The following MYO7A variants were observed in gnomAD, a reference collection of about 807,000 sequenced individuals.
The protein encoded by MYO7A is myosin VIIA, also known as unconventional myosin-VIIa.
Under a neutral mutation model 263.8 loss-of-function variants are expected in MYO7A, and 210 were observed. That is an observed-to-expected ratio of 0.80 (90% CI 0.71 to 0.89). The LOEUF (loss-of-function observed/expected upper bound fraction) is 0.89. Among genes scored for constraint, MYO7A ranks in the 40% least tolerant of loss-of-function variants. MYO7A has a pLI of 0.00. For synonymous variants in MYO7A, 1,239 were observed against 1,197.3 expected (o/e 1.03, Z -0.72); for missense variants, 2,820 against 2,968.3 (o/e 0.95, Z 1.16).
At chr11:77,164,375 T>C (rs1555071189) in intron 14 of MYO7A, among the ~76,000 whole-genome samples, 1 of 151,732 alleles carries the variant, frequency 6.6e-6, no homozygotes, top group African/African-American at 2.4e-5. Context: ...AACCCATAAA[T>C]ATCTATACCT....
chr11:77,158,158 G>T, intron 8 of MYO7A, 119 bp from the exon 9 acceptor site: 2 of 1,203,956 alleles, frequency 1.7e-6, no homozygotes, highest in South Asian at 3.8e-5. Context: ...AGCGCCTGGG[G>T]CCCCGGGCTG....
Position 77,205,508 on chromosome 11 carries a change from C to T in MYO7A, c.5527C>T (p.Leu1843Phe). 1.3e-6 allele frequency: 2 copies of T among 1,599,676 alleles called. No individual in the cohort carries two copies. The highest frequency in any genetic ancestry group is 1.7e-5 in the Admixed American group (1 of 58,172). The stretch of plus-strand genomic sequence containing the variant: ...GGAGCTGCTCTGGCTGTGCACGGGC[C>T]TTTTCCCACCCAGCAACATCCTCCT... ...GWELLWLCTGLFPPSNILLPH... is the reference protein window; with the variant it reads ...GWELLWLCTGFFPPSNILLPH... The change falls in exon 40 of 49, where the codon CTT becomes TTT. Residue 1843 changes from leucine to phenylalanine, a missense_variant. Transcript: ENST00000409709.
intron 25 of MYO7A, 152 bp from the exon 26 acceptor site, chr11:77,182,916 G>T: frequency 1.3e-6 from 1 of 762,060 alleles, no homozygotes. Context: ...GGGGTGCAAG[G>T]GTAGGGGTGA....
At chr11:77,201,716 A>G (rs1216069695) in intron 36 of MYO7A, 78 bp downstream of exon 36, 2 of 1,437,900 alleles carry the variant, frequency 1.4e-6, no homozygotes, top group African/African-American at 1.4e-5. Context: ...GCTGTACAAT[A>G]GGTTAACGGT....
In MYO7A at chr11:77,213,716, C is replaced by T. The variant is rs976609032; in HGVS notation, c.6439-144C>T. On this transcript the variant is annotated intron_variant, in intron 47 of 48. Coordinates refer to ENST00000409709, the MANE Select transcript of MYO7A (RefSeq NM_000260.4). ...GTGTGGAGGGGGAGGCACCTGCTTC[C>T]CACCGCAGCTGGATGGCAGAGCTGG... is the stretch of plus-strand genomic sequence containing the variant. 63 of 1,180,442 alleles carry T rather than the reference C, an allele frequency of 5.3e-5. 1 individual carries two copies. Among genetic ancestry groups the T allele is most frequent in the Non-Finnish European group, 6.4e-5 (54 of 840,772 alleles). The allele number at this position is 1,180,442 out of a possible 1,614,324, so 73.1% of individuals were successfully genotyped here. A position where few individuals can be genotyped will look rare whatever the true frequency, so the allele number is the denominator to read the frequency against.
At position 77,202,281 on chromosome 11, in the gene MYO7A, CCT is replaced by C. The variant is rs1335250660; in HGVS notation, c.5044-18_5044-17del. 5 of 1,573,276 alleles carry C rather than the reference CCT, an allele frequency of 3.2e-6. No homozygotes were observed. Among genetic ancestry groups the C allele is most frequent in the African/African-American group, 2.7e-5 (2 of 74,070 alleles). On this transcript the variant is annotated splice_polypyrimidine_tract_variant and intron_variant, in intron 36 of 48. Coordinates refer to ENST00000409709, the MANE Select transcript of MYO7A (RefSeq NM_000260.4). ...ACAGGTAGAGAGCTGACCTGAGCCC[CCT>C]GTCTCTTGGTCCCTAGGCCCTGGTC...
chr11:77,213,395 C>G (rs7118943), intron 47 of MYO7A, among the ~76,000 whole-genome samples: 3 of 152,162 alleles, frequency 2.0e-5, no homozygotes, highest in African/African-American at 7.2e-5. Flanking sequence ...CCAGAGGGTC[C>G]GACTGGACAG....
chr11:77,155,979 C>G lies in MYO7A; in HGVS notation c.358C>G (p.Arg120Gly). The change falls in exon 5 of 49, where the codon CGC becomes GGC. Residue 120 changes from arginine to glycine, a missense_variant. By Grantham distance (125) the Arg-to-Gly change is moderately radical. Transcript: ENST00000409709. ...CTCCATCTACTCGCCAGAGCACATCCGCCAGTATACCAACAAGAAGATTGG... is the reference window on the plus strand; with the variant it reads ...CTCCATCTACTCGCCAGAGCACATCGGCCAGTATACCAACAAGAAGATTGG... Reference protein sequence around the residue: ...LLSIYSPEHIRQYTNKKIGEM... With the variant: ...LLSIYSPEHIGQYTNKKIGEM... The G allele has an allele frequency of 6.2e-7, 1 of 1,613,420 alleles. No individual in the cohort carries two copies. The highest frequency in any genetic ancestry group is 8.5e-7 in the Non-Finnish European group (1 of 1,179,682).
At chr11:77,174,730 G>A (rs1237316755) in intron 16 of MYO7A, 26 bp from the exon 17 acceptor site, 1 of 1,556,894 alleles carries the variant, frequency 6.4e-7, no homozygotes, top group Admixed American at 1.9e-5. Flanking sequence ...CCTTGGCCCT[G>A]ATGCCCTTGG....
intron 4 of MYO7A, among the ~76,000 whole-genome samples, chr11:77,150,750 A>C (rs1383704478): frequency 1.3e-5 from 2 of 152,102 alleles, no homozygotes; most frequent in East Asian, 3.9e-4. Context: ...CTGACCTTAG[A>C]TTCTCAGTGT....
At chr11:77,214,565 G>GTCCCACC in intron 48 of MYO7A, 42 bp from the exon 49 acceptor site, 1 of 1,434,146 alleles carries the variant, frequency 7.0e-7, no homozygotes. Flanking sequence ...GGCTGGCCCT[G>GTCCCACC]TCCCACCGTG....
chr11:77,160,171 C>G lies in MYO7A; in HGVS notation c.1089C>G (p.Pro363=), dbSNP rs1281278867. Residue 363 remains proline, a synonymous_variant, in exon 11 of 49, where the codon CCC becomes CCG. Transcript: ENST00000409709. ...GGTGTTGCCTGTACCAGGTGAACCC[C>G]CCAGACCTGATGAGCTGCCTGACTA... ...ATAASLLEVN[P]PDLMSCLTSR... is the part of the protein sequence containing the mutation. The G allele has an allele frequency of 6.4e-7, 1 of 1,561,164 alleles. No homozygotes were observed. Among genetic ancestry groups the G allele is most frequent in the Non-Finnish European group, 8.7e-7 (1 of 1,153,512 alleles).
At chr11:77,141,532 G>T (rs1308014836) in intron 2 of MYO7A, among the ~76,000 whole-genome samples, 2 of 148,588 alleles carry the variant, frequency 1.3e-5, no homozygotes, top group East Asian at 2.0e-4. Context: ...ACCCAAAAAA[G>T]AATACTTTTA....
Position 77,199,630 on chromosome 11 carries a change from C to T in MYO7A, c.4664C>T (p.Ser1555Phe), listed in dbSNP as rs779524499. The T allele has an allele frequency of 1.9e-6, 3 of 1,610,118 alleles. No individual in the cohort carries two copies. Among genetic ancestry groups the T allele is most frequent in the South Asian group, 2.2e-5 (2 of 90,136 alleles). The change falls in exon 35 of 49, where the codon TCT becomes TTT. Residue 1555 changes from serine to phenylalanine, a missense_variant. Coordinates refer to ENST00000409709, the MANE Select transcript of MYO7A (RefSeq NM_000260.4). ...GGACTGACCCCGGCGGGGCCCTGTTCTCCGTGTTGGTCCTGCAGGGGAGCG... is the reference window on the plus strand; with the variant it reads ...GGACTGACCCCGGCGGGGCCCTGTTTTCCGTGTTGGTCCTGCAGGGGAGCG... Reference protein sequence around the residue: ...WAGLTPAGPCSPCWSCRGAKT... With the variant: ...WAGLTPAGPCFPCWSCRGAKT...
intron 44 of MYO7A, among the ~76,000 whole-genome samples, chr11:77,209,835 G>A (rs150267306): frequency 6.6e-6 from 1 of 152,244 alleles, no homozygotes; most frequent in Non-Finnish European, 1.5e-5. Flanking sequence ...TCCCCCAGTG[G>A]ATTCCCCTTG....
Position 77,211,853 on chromosome 11 carries a change from G to C in MYO7A, c.6270G>C (p.Gly2090=), listed in dbSNP as rs757769018. The C allele has an allele frequency of 7.4e-6, 12 of 1,613,864 alleles. No individual in the cohort carries two copies. The highest frequency in any genetic ancestry group is 1.0e-5 in the Non-Finnish European group (12 of 1,179,882). ...SIVAYFNKHA[G]KSKEEAKLAF... ...TCGCCTACTTCAACAAGCACGCAGG[G>C]AAGTCCAAGGAGGAGGCCAAGCTGG... The change falls in exon 46 of 49, where the codon GGG becomes GGC. Residue 2090 remains glycine (G), a synonymous_variant. Transcript: ENST00000409709.
intron 28 of MYO7A, 115 bp downstream of exon 28, chr11:77,189,585 C>T (rs1955886379): frequency 1.4e-6 from 2 of 1,447,648 alleles, no homozygotes; most frequent in South Asian, 1.3e-5. Context: ...CCCACCCGGC[C>T]ACTCCTTACT....
intron 23 of MYO7A, among the ~76,000 whole-genome samples, 171 bp from the exon 24 acceptor site, chr11:77,181,780 T>G (rs1176565579): frequency 3.0e-5 from 3 of 100,818 alleles, no homozygotes; most frequent in Non-Finnish European, 6.2e-5. Flanking sequence ...TTTTTTTTTG[T>G]TTTTTTTTTT....
chr11:77,148,615 G>C (rs1187145843), intron 4 of MYO7A, among the ~76,000 whole-genome samples: 4 of 152,098 alleles, frequency 2.6e-5, no homozygotes, highest in African/African-American at 9.7e-5. Flanking sequence ...TTGGTCACAG[G>C]GACCCTTTAT....
Sources: allele counts gnomAD v4.1 joint callset (sites outside exome capture counted in the v4.1 genomes callset), GRCh38; gene constraint gnomAD v4.1.1; transcripts MANE v1.5; gene names NCBI Gene and HGNC (gene_info 2026-07-23, HGNC 2026-07-21).